Variants in RBFOX1 observed in about 807,000 individuals in gnomAD.
RBFOX1 encodes the protein RNA binding fox-1 homolog 1.
RBFOX1 carries 8 observed loss-of-function variants against 57.7 expected under a neutral mutation model. The ratio of observed to expected loss-of-function variants is 0.14; its 90% CI spans 0.08 to 0.25. The LOEUF is 0.25. Among genes scored for constraint, RBFOX1 ranks in the 10% least tolerant of loss-of-function variants. The probability of loss-of-function intolerance (pLI) is 1.00; values close to 1 mark genes in which losing one functional copy is unlikely to be tolerated. For missense variants in RBFOX1, 611 were observed against 548.5 expected, an observed-to-expected ratio of 1.11 and a Z score of -1.14; for synonymous variants, 326 against 222.4, an observed-to-expected ratio of 1.47 and a Z score of -4.15.
intron 4 of RBFOX1, among the ~76,000 whole-genome samples, chr16:7,157,259 G>C (rs529850745): frequency 2.6e-5 from 4 of 152,154 alleles, no homozygotes; most frequent in African/African-American, 9.7e-5. Flanking sequence ...TGCTACCCAG[G>C]CTCTCAAAAT....
chr16:7,261,471 A>G (rs565142906), intron 4 of RBFOX1, among the ~76,000 whole-genome samples: 2 of 152,262 alleles, frequency 1.3e-5, no homozygotes, highest in South Asian at 2.1e-4. Flanking sequence ...AAGTGAGTGT[A>G]TGAGTCCCTT....
At chr16:7,286,521 C>A (rs948841974) in intron 4 of RBFOX1, among the ~76,000 whole-genome samples, 1 of 148,406 alleles carries the variant, frequency 6.7e-6, no homozygotes, top group East Asian at 2.0e-4. Context: ...GCCATCTCAG[C>A]TCACTGCAGC....
chr16:5,533,577 A>T (rs892239425), intron 2 of RBFOX1, among the ~76,000 whole-genome samples: 2 of 152,184 alleles, frequency 1.3e-5, no homozygotes, highest in African/African-American at 4.8e-5. Context: ...GCTTGGCTGA[A>T]ATCCCTCCTG....
At chr16:5,797,107 A>G (rs970264825) in intron 3 of RBFOX1, among the ~76,000 whole-genome samples, 3 of 152,296 alleles carry the variant, frequency 2.0e-5, no homozygotes, top group African/African-American at 4.8e-5. Flanking sequence ...TCATCTTTGT[A>G]TAGGGAGGTC....
chr16:5,985,322 C>CA (rs146963790), intron 4 of RBFOX1, among the ~76,000 whole-genome samples: 39,217 of 151,532 alleles, frequency 0.26, 5,450 homozygotes, highest in East Asian at 0.52. Context: ...GGGCCATTGT[C>CA]ATGGATGCCA....
At chr16:5,837,826 G>A (rs1236270158) in intron 3 of RBFOX1, among the ~76,000 whole-genome samples, 1 of 152,112 alleles carries the variant, frequency 6.6e-6, no homozygotes, top group Non-Finnish European at 1.5e-5. Flanking sequence ...ACTATCCTTA[G>A]TATTGACCAT....
At chr16:6,080,193 T>A (rs2152504882) in intron 1 of RBFOX1, among the ~76,000 whole-genome samples, 1 of 152,272 alleles carries the variant, frequency 6.6e-6, no homozygotes, top group Admixed American at 6.5e-5. Flanking sequence ...GCCATCCCAA[T>A]CTTCCCTTGG....
chr16:6,038,282 A>T (rs1322191842), intron 1 of RBFOX1: 1 of 150,296 alleles, frequency 6.7e-6, no homozygotes, highest in Admixed American at 6.6e-5. Context: ...CCTGGACTCA[A>T]ATGATTCTCC....
intron 4 of RBFOX1, among the ~76,000 whole-genome samples, chr16:7,172,651 G>T (rs2080925390): frequency 6.6e-6 from 1 of 152,180 alleles, no homozygotes; most frequent in African/African-American, 2.4e-5. Context: ...ATCATGCCAA[G>T]TTGTAGCAAC....
chr16:6,642,350 G>T (rs1410176750), intron 2 of RBFOX1, among the ~76,000 whole-genome samples: 1 of 152,120 alleles, frequency 6.6e-6, no homozygotes, highest in African/African-American at 2.4e-5. Flanking sequence ...AATTAAAAGC[G>T]CTCTCATTAA....
chr16:7,484,080 C>T (rs1360482819), intron 4 of RBFOX1, among the ~76,000 whole-genome samples: 2 of 152,172 alleles, frequency 1.3e-5, no homozygotes, highest in Admixed American at 6.5e-5. Context: ...TAAATGGAAT[C>T]ATACTGTGCA....
chr16:5,775,468 A>G (rs1454895675), intron 3 of RBFOX1, among the ~76,000 whole-genome samples: 1 of 152,218 alleles, frequency 6.6e-6, no homozygotes, highest in Non-Finnish European at 1.5e-5. Context: ...CACGGTGGAA[A>G]CACCTATGTG....
intron 4 of RBFOX1, among the ~76,000 whole-genome samples, chr16:6,008,455 A>C (rs890345291): frequency 1.3e-5 from 2 of 152,114 alleles, no homozygotes; most frequent in Non-Finnish European, 2.9e-5. Flanking sequence ...GGGAAATGGC[A>C]GGGGGTCACC....
chr16:6,034,353 A>AAAAAAAG (rs2095334871), intron 1 of RBFOX1, among the ~76,000 whole-genome samples: 1 of 145,824 alleles, frequency 6.9e-6, no homozygotes. Context: ...AAAAAAAAAA[A>AAAAAAAG]AAAAGAAAAG....
At chr16:5,632,162 G>T (rs189372683) in intron 3 of RBFOX1, among the ~76,000 whole-genome samples, 24 of 152,244 alleles carry the variant, frequency 1.6e-4, no homozygotes, top group African/African-American at 5.5e-4. Context: ...TACTTCATAT[G>T]GTACCTATCA....
intron 4 of RBFOX1, among the ~76,000 whole-genome samples, chr16:7,350,290 G>C (rs1439835916): frequency 6.6e-6 from 1 of 152,114 alleles, no homozygotes; most frequent in East Asian, 1.9e-4. Context: ...GGTCTAAGGG[G>C]AGGAAAAAAG....
At chr16:6,573,561 T>C (rs1230114895) in intron 2 of RBFOX1, among the ~76,000 whole-genome samples, 3 of 152,192 alleles carry the variant, frequency 2.0e-5, no homozygotes, top group East Asian at 1.9e-4. Context: ...ATCCATCTTA[T>C]TTTGATTTTA....
chr16:7,416,781 A>G (rs1044417193), intron 4 of RBFOX1, among the ~76,000 whole-genome samples: 6 of 152,170 alleles, frequency 3.9e-5, no homozygotes, highest in African/African-American at 9.7e-5. Flanking sequence ...AATAATGACA[A>G]TGACGATAGT....
chr16:5,786,182 C>T (rs370728695), intron 3 of RBFOX1, among the ~76,000 whole-genome samples: 33 of 152,340 alleles, frequency 2.2e-4, no homozygotes, highest in East Asian at 1.7e-3. Context: ...ACTGTGTTCT[C>T]TCTGCCCTTC....
Sources: allele counts gnomAD v4.1 joint callset (sites outside exome capture counted in the v4.1 genomes callset), GRCh38; gene constraint gnomAD v4.1.1; transcripts MANE v1.5; gene names NCBI Gene and HGNC (gene_info 2026-07-23, HGNC 2026-07-21).